Variants in PEF1 observed in about 807,000 individuals in gnomAD.
PEF1 encodes the protein peflin.
In PEF1, 17 loss-of-function variants were observed where a neutral mutation model predicts 32.0. That is an observed-to-expected ratio of 0.53 (90% CI 0.36 to 0.80). PEF1 has a LOEUF of 0.80. Among genes scored for constraint, PEF1 ranks in the 30% least tolerant of loss-of-function variants. The pLI, the probability that PEF1 is intolerant of heterozygous loss-of-function variation, is 0.00. For synonymous variants in PEF1, 130 were observed against 139.8 expected, an observed-to-expected ratio of 0.93 and a Z score of 0.50; for missense variants, 362 against 369.1, an observed-to-expected ratio of 0.98 and a Z score of 0.16.
At chr1:31,644,814 G>A in intron 1 of PEF1, 27 bp downstream of exon 1, 1 of 1,613,782 alleles carries the variant, frequency 6.2e-7, no homozygotes, top group Non-Finnish European at 8.5e-7. Flanking sequence ...GCCGCTACCT[G>A]GATTCGCGGG....
chr1:31,642,449 T>C (rs1281894724), intron 1 of PEF1, among the ~76,000 whole-genome samples: 2 of 152,112 alleles, frequency 1.3e-5, no homozygotes, highest in African/African-American at 2.4e-5. Flanking sequence ...ACCCAGTCCC[T>C]GCTTGGGTAC....
At chr1:31,638,171 G>C (rs1640305809) in intron 1 of PEF1, among the ~76,000 whole-genome samples, 1 of 152,202 alleles carries the variant, frequency 6.6e-6, no homozygotes, top group Non-Finnish European at 1.5e-5. Context: ...ATTTGAGCTA[G>C]GACTTAGAGA....
intron 1 of PEF1, among the ~76,000 whole-genome samples, chr1:31,641,222 T>C (rs557960112): frequency 2.0e-5 from 3 of 152,286 alleles, no homozygotes; most frequent in Admixed American, 6.5e-5. Flanking sequence ...TTCTGCTTAA[T>C]CATCCAAACC....
At chr1:31,641,013 T>A (rs956143773) in intron 1 of PEF1, among the ~76,000 whole-genome samples, 1 of 152,076 alleles carries the variant, frequency 6.6e-6, no homozygotes, top group Admixed American at 6.5e-5. Context: ...CAGAGCCACT[T>A]GAAATAGGAG....
At chr1:31,632,473 G>A (rs368801362) in intron 4 of PEF1, 22 bp downstream of exon 4, 33 of 1,614,080 alleles carry the variant, frequency 2.0e-5, no homozygotes, top group Middle Eastern at 1.6e-4. Flanking sequence ...CCTGCCCATC[G>A]TGCCCCGGCC....
At chr1:31,633,784 C>T (rs1359229016) in intron 2 of PEF1, among the ~76,000 whole-genome samples, 2 of 151,940 alleles carry the variant, frequency 1.3e-5, no homozygotes, top group African/African-American at 4.8e-5. Context: ...GGAGAAACCC[C>T]GTCTCTACTA....
At chr1:31,632,887 C>T (rs1355707801) in intron 3 of PEF1, among the ~76,000 whole-genome samples, 1 of 152,200 alleles carries the variant, frequency 6.6e-6, no homozygotes. Flanking sequence ...CACCTGACCC[C>T]TCCCTGCTGT....
Position 31,633,306 on chromosome 1 carries a change from G to C in PEF1, c.334C>G (p.Pro112Ala). The change falls in exon 3 of 5, where the codon CCT (proline) becomes GCT (alanine). Residue 112 changes from proline (P) to alanine (A), a missense_variant. Transcript: ENST00000373703. ...TAGGCCTCAGGATCCACATTGGGAG[G>C]GGCGCCACCTGGAGGAAGGGGTGTG... ...QPGLYGQGGAPPNVDPEAYSW... is the reference protein window; with the variant it reads ...QPGLYGQGGAAPNVDPEAYSW... 6.2e-7 allele frequency: 1 copy of C among 1,611,398 alleles called. No individual in the cohort carries two copies.
At chr1:31,642,287 A>G (rs984319951) in intron 1 of PEF1, among the ~76,000 whole-genome samples, 11 of 152,246 alleles carry the variant, frequency 7.2e-5, no homozygotes, top group Non-Finnish European at 1.3e-4. Flanking sequence ...ACTGAGTCTC[A>G]GACTTTTGCA....
At chr1:31,644,282 G>T in intron 1 of PEF1, 1 of 791,682 alleles carries the variant, frequency 1.3e-6, no homozygotes, top group Non-Finnish European at 1.5e-6. Context: ...CTGCCTAACT[G>T]CCTGGTGACT....
chr1:31,633,096 C>A, intron 3 of PEF1, 63 bp downstream of exon 3: 1 of 1,544,140 alleles, frequency 6.5e-7, no homozygotes. Flanking sequence ...CACCTACCCA[C>A]CTACTGTCCA....
Position 31,635,264 on chromosome 1 carries a change from G to C in PEF1, c.283C>G (p.Pro95Ala). 1 of 1,614,164 alleles carries C rather than the reference G, an allele frequency of 6.2e-7. No individual in the cohort carries two copies. The highest frequency in any genetic ancestry group is 8.5e-7 in the Non-Finnish European group (1 of 1,180,020). ...APGGPYGQPP[P>A]SSYGAQQPGL... ...GGCTGCTGGGCACCGTAGGAACTTG[G>C]AGGTGGCTGACCATAGGGGCCCCCG... is the stretch of plus-strand genomic sequence containing the variant. The change falls in exon 2 of 5, where the codon CCA (proline) becomes GCA (alanine). Residue 95 changes from proline to alanine, a missense_variant. Pro to Ala is a conservative substitution (Grantham distance 27). Coordinates refer to ENST00000373703, the MANE Select transcript of PEF1 (RefSeq NM_012392.4).
chr1:31,635,257 G>A lies in PEF1; in HGVS notation c.290C>T (p.Ser97Phe). ...GGPYGQPPPS[S>F]YGAQQPGLYG... ...AAGCCCAGGCTGCTGGGCACCGTAG[G>A]AACTTGGAGGTGGCTGACCATAGGG... Residue 97 changes from serine to phenylalanine, a missense_variant, in exon 2 of 5, where the codon TCC becomes TTC. By Grantham distance (155) the Ser-to-Phe change is radical (BLOSUM62 -2). Transcript: ENST00000373703. The A allele has an allele frequency of 6.2e-7, 1 of 1,614,156 alleles. No individual in the cohort carries two copies. Among genetic ancestry groups the A allele is most frequent in the South Asian group, 1.1e-5 (1 of 91,088 alleles).
chr1:31,635,285 C>A lies in PEF1; in HGVS notation c.262G>T (p.Gly88Cys), dbSNP rs1640223612. The A allele has an allele frequency of 1.9e-6, 3 of 1,613,980 alleles. No individual in the cohort carries two copies. Among genetic ancestry groups the A allele is most frequent in the Non-Finnish European group, 8.5e-7 (1 of 1,180,010 alleles). Residue 88 changes from glycine to cysteine, a missense_variant, in exon 2 of 5, where the codon GGC becomes TGC. Gly to Cys is a radical substitution (Grantham distance 159). Coordinates refer to ENST00000373703, the MANE Select transcript of PEF1 (RefSeq NM_012392.4). The stretch of plus-strand genomic sequence containing the variant: ...CTTGGAGGTGGCTGACCATAGGGGC[C>A]CCCGGGAGCTGCACCGCCATATGGT... ...GGPYGGAAPG[G>C]PYGQPPPSSY...
At chr1:31,640,889 G>A (rs938902208) in intron 1 of PEF1, among the ~76,000 whole-genome samples, 2 of 152,106 alleles carry the variant, frequency 1.3e-5, no homozygotes, top group East Asian at 1.9e-4. Flanking sequence ...GCATTGCAAA[G>A]ACAAGTTTGT....
At chr1:31,632,721 C>T in intron 3 of PEF1, 83 bp from the exon 4 acceptor site, 1 of 1,499,676 alleles carries the variant, frequency 6.7e-7, no homozygotes, top group African/African-American at 1.4e-5. Flanking sequence ...TGAGGCAGCC[C>T]TTCTCTCCAG....
chr1:31,630,894 C>A (rs377479059), intron 4 of PEF1, 52 bp from the exon 5 acceptor site: 91 of 1,414,392 alleles, frequency 6.4e-5, no homozygotes, highest in South Asian at 5.0e-4. Flanking sequence ...CCATGAGCAC[C>A]TCCATCAATC....
chr1:31,635,963 T>A (rs1640242897), intron 1 of PEF1, among the ~76,000 whole-genome samples: 1 of 152,164 alleles, frequency 6.6e-6, no homozygotes. Context: ...GCAAACGCAG[T>A]CTCTAACACA....
intron 1 of PEF1, among the ~76,000 whole-genome samples, chr1:31,639,669 C>A (rs1640347361): frequency 6.6e-6 from 1 of 152,178 alleles, no homozygotes; most frequent in African/African-American, 2.4e-5. Flanking sequence ...AGACAGCACA[C>A]TTGGGGATGA....
Sources: gnomAD v4.1 joint callset for allele counts (sites outside exome capture counted in the v4.1 genomes callset) on GRCh38, gnomAD v4.1.1 for gene constraint, MANE v1.5 for transcripts, NCBI Gene and HGNC (gene_info 2026-07-23, HGNC 2026-07-21) for gene names.